ADAMTS3: variants seen among roughly 807,000 people sequenced by gnomAD.
ADAMTS3 encodes the protein A disintegrin and metalloproteinase with thrombospondin motifs 3.
ADAMTS3 carries 73 observed loss-of-function variants against 129.0 expected under a neutral mutation model. The observed-to-expected ratio is 0.57, with a 90% CI of 0.47 to 0.69. The LOEUF is 0.69. Ranked by LOEUF, ADAMTS3 falls within the 30% of genes least tolerant of loss-of-function variation. The pLI is 0.00. For missense variants in ADAMTS3, 1,457 were observed against 1,514.5 expected, an observed-to-expected ratio of 0.96 and a Z score of 0.63; for synonymous variants, 477 against 510.8, an observed-to-expected ratio of 0.93 and a Z score of 0.89.
chr4:72,372,474 T>C (rs1167395124), intron 4 of ADAMTS3, among the ~76,000 whole-genome samples: 2 of 151,838 alleles, frequency 1.3e-5, no homozygotes, highest in African/African-American at 4.8e-5. Flanking sequence ...ATAAGCAAAT[T>C]CCTTGAAAAC....
rs571970167 is a variant in ADAMTS3 at position 72,312,515 on chromosome 4, G to T, written c.1746-49C>A. 28 of 1,585,586 alleles carry T rather than the reference G, an allele frequency of 1.8e-5. No homozygotes were observed. The South Asian group carries it at 2.8e-4, about 16-fold the overall frequency. On this transcript the variant is annotated intron_variant, in intron 12 of 21. Transcript: ENST00000286657. ...AAGGCCTTTTGGCTTCTGTCTAGCA[G>T]TTGAAGCTTGCAGACACAGTGCTTG... is the stretch of plus-strand genomic sequence containing the variant.
intron 3 of ADAMTS3, among the ~76,000 whole-genome samples, chr4:72,487,515 G>A (rs542556352): frequency 6.8e-4 from 104 of 152,156 alleles, no homozygotes; most frequent in Middle Eastern, 6.8e-3. Flanking sequence ...TGTCTGCCCT[G>A]TCCCTCACCA....
intron 5 of ADAMTS3, among the ~76,000 whole-genome samples, chr4:72,338,881 C>A (rs183552358): frequency 1.3e-3 from 200 of 152,182 alleles, no homozygotes; most frequent in Middle Eastern, 6.8e-3. Flanking sequence ...GACAAAATTT[C>A]TTCTGAATCT....
chr4:72,418,147 C>A (rs1722356625), intron 3 of ADAMTS3, among the ~76,000 whole-genome samples: 1 of 151,464 alleles, frequency 6.6e-6, no homozygotes, highest in Non-Finnish European at 1.5e-5. Flanking sequence ...TTTTTTTCCT[C>A]CATAATCTCA....
At chr4:72,548,205 A>T (rs1166292327) in intron 3 of ADAMTS3, among the ~76,000 whole-genome samples, 1 of 152,202 alleles carries the variant, frequency 6.6e-6, no homozygotes, top group Admixed American at 6.6e-5. Context: ...ATGTAATACA[A>T]GGAAAAACAT....
At chr4:72,408,538 G>T (rs980311228) in intron 4 of ADAMTS3, among the ~76,000 whole-genome samples, 2 of 152,024 alleles carry the variant, frequency 1.3e-5, no homozygotes, top group African/African-American at 2.4e-5. Context: ...GAAAATAAAT[G>T]ACATCTAATT....
intron 16 of ADAMTS3, among the ~76,000 whole-genome samples, chr4:72,304,824 G>A (rs1310503147): frequency 6.6e-6 from 1 of 152,014 alleles, no homozygotes; most frequent in Non-Finnish European, 1.5e-5. Flanking sequence ...TGAAAAACAT[G>A]AGTAATTTTA....
At chr4:72,309,341 T>C in intron 15 of ADAMTS3, 56 bp downstream of exon 15, 1 of 1,579,012 alleles carries the variant, frequency 6.3e-7, no homozygotes, top group Non-Finnish European at 8.7e-7. Context: ...GGAAGAAGCC[T>C]CAAAAAGTAC....
intron 4 of ADAMTS3, among the ~76,000 whole-genome samples, chr4:72,385,489 A>G (rs763488551): frequency 1.3e-5 from 2 of 152,146 alleles, no homozygotes; most frequent in African/African-American, 4.8e-5. Context: ...ACCTCCAACC[A>G]TATCAATAAT....
chr4:72,550,069 G>A (rs57480090), intron 2 of ADAMTS3, among the ~76,000 whole-genome samples: 4,219 of 8,368 alleles, frequency 0.5, 1,228 homozygotes, highest in South Asian at 0.58. Context: ...AAGAGGAAGA[G>A]GAAGAGGAAG....
In ADAMTS3 at chr4:72,282,946, A is replaced by C. The variant is rs1397774778; in HGVS notation, c.*190T>G. ...GATTTCTTCCAATGAATTCTGGTAA[A>C]TGAGTCAATGCAGAACAAAAGGAGG... On this transcript the variant is annotated 3_prime_UTR_variant, in exon 22 of 22. Transcript: ENST00000286657. The C allele has an allele frequency of 1.0e-5, 5 of 476,908 alleles. No individual in the cohort carries two copies. In the East Asian group the frequency reaches 1.3e-4, roughly 12 times the overall value. 29.5% of individuals were successfully genotyped at this position (476,908 alleles called of 1,614,324 possible).
intron 3 of ADAMTS3, among the ~76,000 whole-genome samples, chr4:72,535,689 G>A (rs554666834): frequency 3.0e-4 from 45 of 151,916 alleles, no homozygotes; most frequent in African/African-American, 1.0e-3. Context: ...TCCACAGAGG[G>A]GCAGAAAACA....
At chr4:72,422,111 A>G (rs1244772267) in intron 3 of ADAMTS3, among the ~76,000 whole-genome samples, 4 of 152,188 alleles carry the variant, frequency 2.6e-5, no homozygotes, top group South Asian at 2.1e-4. Context: ...ACTTACAGGA[A>G]TAAGTGTGCA....
chr4:72,304,085 A>C lies in ADAMTS3; in HGVS notation c.2261-5T>G, dbSNP rs987122650. The C allele has an allele frequency of 3.7e-6, 6 of 1,612,396 alleles. No individual in the cohort carries two copies. The Admixed American group carries it at 5.0e-5, about 13-fold the overall frequency. On this transcript the variant is annotated splice_polypyrimidine_tract_variant and splice_region_variant and intron_variant, in intron 16 of 21. Coordinates refer to ENST00000286657, the MANE Select transcript of ADAMTS3 (RefSeq NM_014243.3). ...CTGTAGCCTGGTTCTTAATAGCTAA[A>C]GGGAGAAAAATGAGTAACCAGCATA...
At chr4:72,411,858 C>T (rs1002366959) in intron 4 of ADAMTS3, among the ~76,000 whole-genome samples, 1 of 152,080 alleles carries the variant, frequency 6.6e-6, no homozygotes, top group Non-Finnish European at 1.5e-5. Context: ...CCATGCCCTC[C>T]AACATCTATC....
intron 3 of ADAMTS3, among the ~76,000 whole-genome samples, chr4:72,523,085 T>C (rs1720715350): frequency 6.6e-6 from 1 of 152,064 alleles, no homozygotes; most frequent in Non-Finnish European, 1.5e-5. Context: ...TCTTAGATAT[T>C]ACCCAATAAT....
chr4:72,509,562 C>T (rs1305605229), intron 3 of ADAMTS3, among the ~76,000 whole-genome samples: 1 of 151,828 alleles, frequency 6.6e-6, no homozygotes, highest in Non-Finnish European at 1.5e-5. Context: ...CAAGATTGAA[C>T]CACGAAGAAA....
chr4:72,303,724 T>G (rs531717180), intron 17 of ADAMTS3, among the ~76,000 whole-genome samples, 193 bp downstream of exon 17: 1 of 152,300 alleles, frequency 6.6e-6, no homozygotes, highest in East Asian at 1.9e-4. Flanking sequence ...ATTCAGTTTA[T>G]AATGTCTATA....
intron 10 of ADAMTS3, among the ~76,000 whole-genome samples, chr4:72,317,113 A>G (rs938616929): frequency 1.3e-5 from 2 of 152,196 alleles, no homozygotes; most frequent in African/African-American, 4.8e-5. Flanking sequence ...TAAAAATATC[A>G]AACAACAGCT....
Sources: gnomAD v4.1 joint callset for allele counts (sites outside exome capture counted in the v4.1 genomes callset) on GRCh38, gnomAD v4.1.1 for gene constraint, MANE v1.5 for transcripts, NCBI Gene and HGNC (gene_info 2026-07-23, HGNC 2026-07-21) for gene names.